The following KDM4C variants were observed in gnomAD, a reference collection of about 807,000 sequenced individuals.
KDM4C encodes the protein lysine-specific demethylase 4C.
A neutral mutation model predicts 129.3 loss-of-function variants in KDM4C; 81 were observed. The ratio of observed to expected loss-of-function variants is 0.63; its 90% CI spans 0.52 to 0.75. KDM4C has a LOEUF of 0.75. KDM4C is among the 30% of genes least tolerant of loss of function. The pLI is 0.00. For synonymous variants in KDM4C, 573 were observed against 456.1 expected (o/e 1.26, Z -3.26); for missense variants, 1,457 against 1,304.0 (o/e 1.12, Z -1.81).
chr9:6,749,462 T>C (rs1817997201), intron 1 of KDM4C, among the ~76,000 whole-genome samples: 1 of 151,934 alleles, frequency 6.6e-6, no homozygotes, highest in African/African-American at 2.4e-5. Flanking sequence ...AATAAAGTCA[T>C]CTAAGTGTGG....
intron 1 of KDM4C, among the ~76,000 whole-genome samples, chr9:6,731,500 T>A (rs1817334302): frequency 6.6e-6 from 1 of 151,826 alleles, no homozygotes; most frequent in South Asian, 2.1e-4. Context: ...CCAGCTAATT[T>A]TTTTTTGTAT....
intron 8 of KDM4C, among the ~76,000 whole-genome samples, chr9:6,965,436 G>C (rs1809061861): frequency 6.6e-6 from 1 of 152,118 alleles, no homozygotes; most frequent in African/African-American, 2.4e-5. Context: ...CAGAACACAA[G>C]TTTGTTAGGG....
chr9:7,154,483 A>G (rs1842978743), intron 19 of KDM4C, among the ~76,000 whole-genome samples: 1 of 152,214 alleles, frequency 6.6e-6, no homozygotes, highest in South Asian at 2.1e-4. Context: ...GATAGGGCTA[A>G]GGCAACATTT....
At chr9:7,122,853 A>G (rs1587749200) in intron 18 of KDM4C, among the ~76,000 whole-genome samples, 1 of 152,206 alleles carries the variant, frequency 6.6e-6, no homozygotes, top group South Asian at 2.1e-4. Context: ...CTTACACACT[A>G]ATCTTCAGAA....
chr9:6,833,024 C>T (rs1239110157), intron 4 of KDM4C, among the ~76,000 whole-genome samples: 1 of 151,940 alleles, frequency 6.6e-6, no homozygotes, highest in Non-Finnish European at 1.5e-5. Context: ...GTGTGAGCCA[C>T]TGTGCCTGGT....
chr9:7,146,313 C>A (rs987372065), intron 19 of KDM4C, among the ~76,000 whole-genome samples: 3 of 152,042 alleles, frequency 2.0e-5, no homozygotes, highest in Non-Finnish European at 2.9e-5. Flanking sequence ...TCCATATGAA[C>A]GTGTTTTATT....
chr9:7,168,502 C>T (rs1227411768), intron 20 of KDM4C, among the ~76,000 whole-genome samples: 1 of 152,046 alleles, frequency 6.6e-6, no homozygotes, highest in Non-Finnish European at 1.5e-5. Flanking sequence ...GTGTTATTTA[C>T]CTTTTCTTTG....
intron 4 of KDM4C, among the ~76,000 whole-genome samples, chr9:6,818,070 A>G (rs1832449784): frequency 6.6e-6 from 1 of 152,104 alleles, no homozygotes; most frequent in South Asian, 2.1e-4. Context: ...CTGCCCAGGA[A>G]TATCCTTTTT....
At chr9:6,865,101 C>T (rs1339564707) in intron 5 of KDM4C, among the ~76,000 whole-genome samples, 4 of 151,102 alleles carry the variant, frequency 2.6e-5, no homozygotes, top group African/African-American at 7.3e-5. Flanking sequence ...CTCTGCCTCC[C>T]GGGTTCAAGC....
At chr9:6,731,325 C>CTTTTTTTTT (rs34724329) in intron 1 of KDM4C, among the ~76,000 whole-genome samples, 1 of 114,052 alleles carries the variant, frequency 8.8e-6, no homozygotes, top group Non-Finnish European at 1.7e-5. Context: ...TTTTTTTTTG[C>CTTTTTTTTT]TTTTTTTTTT....
chr9:7,087,150 A>C lies in KDM4C; in HGVS notation c.2425-16535A>C, dbSNP rs151097697. On this transcript the variant is annotated intron_variant, in intron 17 of 21. Transcript: ENST00000381309. ...GTACCCAAATGATGTCAGCTGATAC[A>C]CAGTGATGGGTTCTGACCAGCGTGC... Among the ~76,000 whole-genome samples the C allele has an allele frequency of 2.8e-3, 424 of 151,520 alleles. 1 individual carries two copies. The highest frequency in any genetic ancestry group is 4.7e-3 in the Non-Finnish European group (317 of 67,948).
chr9:7,056,938 C>T (rs573420639), intron 17 of KDM4C, among the ~76,000 whole-genome samples: 2 of 152,248 alleles, frequency 1.3e-5, no homozygotes, highest in South Asian at 4.1e-4. Flanking sequence ...ACATGCCAAA[C>T]CGAGGCAGCT....
chr9:6,744,786 G>A (rs1408961093), intron 1 of KDM4C, among the ~76,000 whole-genome samples: 1 of 151,976 alleles, frequency 6.6e-6, no homozygotes, highest in African/African-American at 2.4e-5. Flanking sequence ...CTCCAGGGTT[G>A]TGGGGAAGCA....
At chr9:7,030,350 C>T (rs954974236) in intron 15 of KDM4C, among the ~76,000 whole-genome samples, 7 of 152,134 alleles carry the variant, frequency 4.6e-5, no homozygotes, top group Middle Eastern at 3.2e-3. Flanking sequence ...ATACATCATT[C>T]ATCTATGAAA....
intron 5 of KDM4C, among the ~76,000 whole-genome samples, chr9:6,850,387 G>C (rs1002255920): frequency 6.6e-6 from 1 of 151,972 alleles, no homozygotes; most frequent in Non-Finnish European, 1.5e-5. Flanking sequence ...TGACTTCCTG[G>C]GTGTAGTTTC....
intron 4 of KDM4C, among the ~76,000 whole-genome samples, chr9:6,847,430 G>A (rs1471705448): frequency 2.6e-5 from 4 of 151,424 alleles, no homozygotes; most frequent in African/African-American, 9.7e-5. Flanking sequence ...ACGGAGTCTT[G>A]CTCTGTCGCC....
At chr9:7,098,423 C>T (rs1332414175) in intron 17 of KDM4C, among the ~76,000 whole-genome samples, 1 of 152,198 alleles carries the variant, frequency 6.6e-6, no homozygotes, top group Non-Finnish European at 1.5e-5. Flanking sequence ...ACACACTTGG[C>T]ATTATGAGCC....
At chr9:6,879,363 C>T (rs944730312) in intron 5 of KDM4C, among the ~76,000 whole-genome samples, 1 of 152,050 alleles carries the variant, frequency 6.6e-6, no homozygotes, top group African/African-American at 2.4e-5. Context: ...ATGAGTATTT[C>T]TGTTCTTTAA....
chr9:7,129,226 A>G (rs1430282860), intron 19 of KDM4C, among the ~76,000 whole-genome samples: 4 of 152,344 alleles, frequency 2.6e-5, no homozygotes, highest in East Asian at 1.9e-4. Flanking sequence ...AATTAAATGT[A>G]ACCTTTTGAA....
Sources: allele counts gnomAD v4.1 joint callset (sites outside exome capture counted in the v4.1 genomes callset), GRCh38; gene constraint gnomAD v4.1.1; transcripts MANE v1.5; gene names NCBI Gene and HGNC (gene_info 2026-07-23, HGNC 2026-07-21).